The following WWOX variants were observed in gnomAD, a reference collection of about 807,000 sequenced individuals.
WWOX encodes WW domain containing oxidoreductase.
A neutral mutation model predicts 46.2 loss-of-function variants in WWOX; 69 were observed. The observed-to-expected ratio is 1.49, with a 90% CI of 1.23 to 1.82. The LOEUF is 1.82. Among genes scored for constraint, WWOX ranks in the 40% most tolerant of loss-of-function variants. WWOX has a pLI of 0.00. For synonymous variants in WWOX, 359 were observed against 202.6 expected (o/e 1.77, Z -6.56); for missense variants, 919 against 542.6 (o/e 1.69, Z -6.89).
intron 5 of WWOX, among the ~76,000 whole-genome samples, chr16:78,187,717 C>G (rs2035755394): frequency 6.6e-6 from 1 of 152,194 alleles, no homozygotes; most frequent in African/African-American, 2.4e-5. Flanking sequence ...GGTTCCTTAA[C>G]CTGCCAAAGG....
At chr16:78,986,133 A>G (rs368666013) in intron 8 of WWOX, among the ~76,000 whole-genome samples, 2 of 152,382 alleles carry the variant, frequency 1.3e-5, no homozygotes, top group East Asian at 1.9e-4. Context: ...TCAGGAGCAC[A>G]CATACATTCC....
intron 8 of WWOX, among the ~76,000 whole-genome samples, chr16:78,506,168 TGC>T (rs1046727506): frequency 1.4e-4 from 21 of 152,214 alleles, no homozygotes; most frequent in African/African-American, 5.1e-4. Context: ...GTGAAAAGAC[TGC>T]ACCAGAAATC....
intron 7 of WWOX, among the ~76,000 whole-genome samples, chr16:78,425,618 A>C (rs980879022): frequency 6.6e-6 from 1 of 152,214 alleles, no homozygotes; most frequent in Non-Finnish European, 1.5e-5. Flanking sequence ...CATTAGGAGA[A>C]TATTCAATTG....
At chr16:78,181,528 A>C (rs373758926) in intron 5 of WWOX, among the ~76,000 whole-genome samples, 2 of 152,332 alleles carry the variant, frequency 1.3e-5, no homozygotes, top group African/African-American at 4.8e-5. Context: ...AATGAAACTA[A>C]GGCCGGAGCG....
chr16:78,315,973 C>T (rs975072798), intron 5 of WWOX, among the ~76,000 whole-genome samples: 13 of 151,448 alleles, frequency 8.6e-5, no homozygotes, highest in African/African-American at 2.4e-4. Flanking sequence ...AGGCCAGTTG[C>T]GGTCACTCAA....
chr16:78,399,153 A>T lies in WWOX; in HGVS notation c.605+12205A>T, dbSNP rs114667048. ...AGGGGATGGGTGGCTGGCTGGCTAG[A>T]TGGATAGAAGGTTGGAAGACAGGAA... On this transcript the variant is annotated intron_variant, in intron 6 of 8. Transcript: ENST00000566780. Among the ~76,000 whole-genome samples the T allele has an allele frequency of 3.5e-3, 535 of 152,172 alleles. 4 individuals carry two copies. The highest frequency in any genetic ancestry group is 0.012 in the African/African-American group (504 of 41,514).
intron 8 of WWOX, among the ~76,000 whole-genome samples, chr16:78,481,995 G>A (rs2084504666): frequency 6.6e-6 from 1 of 151,994 alleles, no homozygotes; most frequent in Non-Finnish European, 1.5e-5. Flanking sequence ...TTTCTGATAG[G>A]TTTTGCTTTC....
chr16:78,618,122 G>C (rs1182994258), intron 8 of WWOX, among the ~76,000 whole-genome samples: 1 of 152,212 alleles, frequency 6.6e-6, no homozygotes, highest in Non-Finnish European at 1.5e-5. Flanking sequence ...AGAGACGCAA[G>C]GCTTGGAGGC....
chr16:78,935,318 G>A (rs939406435), intron 8 of WWOX, among the ~76,000 whole-genome samples: 17 of 152,098 alleles, frequency 1.1e-4, no homozygotes, highest in Admixed American at 3.9e-4. Flanking sequence ...TGTTTATTGC[G>A]GCACTATTCA....
At chr16:78,536,501 A>G (rs1374985197) in intron 8 of WWOX, among the ~76,000 whole-genome samples, 2 of 152,026 alleles carry the variant, frequency 1.3e-5, no homozygotes, top group Non-Finnish European at 2.9e-5. Flanking sequence ...CTGGAGGTGA[A>G]GAGGGAAGTC....
chr16:78,218,443 C>T (rs2036790879), intron 5 of WWOX, among the ~76,000 whole-genome samples: 1 of 152,012 alleles, frequency 6.6e-6, no homozygotes. Flanking sequence ...TATGATGTAA[C>T]TCTATAGGAC....
chr16:78,689,496 C>T (rs1206045707), intron 8 of WWOX, among the ~76,000 whole-genome samples: 10 of 152,214 alleles, frequency 6.6e-5, no homozygotes, highest in Admixed American at 6.5e-4. Context: ...TGACCTTGCT[C>T]CTCTCTCCTT....
intron 8 of WWOX, among the ~76,000 whole-genome samples, chr16:78,830,058 G>C (rs1157137712): frequency 2.0e-5 from 3 of 152,116 alleles, no homozygotes; most frequent in South Asian, 4.1e-4. Flanking sequence ...AGGAGTTCAA[G>C]ACCAGCCTGG....
intron 8 of WWOX, among the ~76,000 whole-genome samples, chr16:78,912,865 C>T (rs866721554): frequency 2.6e-5 from 4 of 151,806 alleles, no homozygotes; most frequent in Admixed American, 6.6e-5. Flanking sequence ...GGTTAGATGC[C>T]GTATCTTTAA....
intron 8 of WWOX, among the ~76,000 whole-genome samples, chr16:78,490,882 C>T (rs373086277): frequency 2.0e-5 from 3 of 152,166 alleles, no homozygotes; most frequent in Admixed American, 6.5e-5. Flanking sequence ...CAAAACAGGA[C>T]TCATTAGCAG....
At chr16:78,518,957 GA>G (rs2043293490) in intron 8 of WWOX, among the ~76,000 whole-genome samples, 1 of 152,180 alleles carries the variant, frequency 6.6e-6, no homozygotes, top group Non-Finnish European at 1.5e-5. Flanking sequence ...GCAGCTTACA[GA>G]AAAAAACTTG....
At position 78,505,918 on chromosome 16, in the gene WWOX, G is replaced by GA. The variant is rs570030531; in HGVS notation, c.1056+73167dup. ...CTAATCATGAGCAATGTGATTTGGA[G>GA]AGAGAAGGACCCGGTTGGCTCTGCA... On this transcript the variant is annotated intron_variant, in intron 8 of 8. Coordinates refer to ENST00000566780, the MANE Select transcript of WWOX (RefSeq NM_016373.4). Among the ~76,000 whole-genome samples the GA allele has an allele frequency of 7.2e-3, 1,090 of 152,348 alleles. 8 individuals carry two copies. The highest frequency in any genetic ancestry group is 0.011 in the Non-Finnish European group (734 of 68,036).
chr16:78,492,026 A>G (rs777332253), intron 8 of WWOX, among the ~76,000 whole-genome samples: 16 of 53,858 alleles, frequency 3.0e-4, no homozygotes, highest in Non-Finnish European at 8.7e-4. Context: ...TCAATGGACA[A>G]AGGGAGTGGG....
In WWOX at chr16:78,792,123, C is replaced by G. The variant is rs541278111; in HGVS notation, c.1056+359371C>G. On this transcript the variant is annotated intron_variant, in intron 8 of 8. Coordinates refer to ENST00000566780, the MANE Select transcript of WWOX (RefSeq NM_016373.4). ...TCCCTTAGTCATTGCCGCAGGCTTGCTGCATCACAAACCACCATTAGACCT... is the reference window on the plus strand; with the variant it reads ...TCCCTTAGTCATTGCCGCAGGCTTGGTGCATCACAAACCACCATTAGACCT... Among the ~76,000 whole-genome samples the G allele has an allele frequency of 3.3e-3, 497 of 152,246 alleles. 4 individuals carry two copies. The highest frequency in any genetic ancestry group is 0.011 in the African/African-American group (472 of 41,556).
Sources: allele counts gnomAD v4.1 joint callset (sites outside exome capture counted in the v4.1 genomes callset), GRCh38; gene constraint gnomAD v4.1.1; transcripts MANE v1.5; gene names NCBI Gene and HGNC (gene_info 2026-07-23, HGNC 2026-07-21).